The following MGAT4C variants were observed in gnomAD, a reference collection of about 807,000 sequenced individuals.
MGAT4C encodes the protein MGAT4 family member C, also known as alpha-1,3-mannosyl-glycoprotein 4-beta-N-acetylglucosaminyltransferase C.
A neutral mutation model predicts 40.1 loss-of-function variants in MGAT4C; 19 were observed. That is an observed-to-expected ratio of 0.47 (90% CI 0.33 to 0.70). The LOEUF (loss-of-function observed/expected upper bound fraction) is 0.70. Ranked by LOEUF, MGAT4C falls within the 30% of genes least tolerant of loss-of-function variation. The pLI, the probability that MGAT4C is intolerant of heterozygous loss-of-function variation, is 0.02. For synonymous variants in MGAT4C, 181 were observed against 187.1 expected, an observed-to-expected ratio of 0.97 and a Z score of 0.27; for missense variants, 491 against 563.2, an observed-to-expected ratio of 0.87 and a Z score of 1.30.
chr12:86,331,566 T>A lies in MGAT4C; in HGVS notation c.-57+2499A>T, dbSNP rs141696289. Among the ~76,000 whole-genome samples, 893 of 152,216 alleles carry A rather than the reference T, an allele frequency of 5.9e-3. 5 individuals are homozygous for A. Among genetic ancestry groups the A allele is most frequent in the Middle Eastern group, 0.01 (3 of 294 alleles). Reference sequence around the variant, plus strand: ...ATTAGGAAACTGCTGATCACCAGTTTCTGGTGTTTCTATCTATTAGGAGAC... The same window carrying A: ...ATTAGGAAACTGCTGATCACCAGTTACTGGTGTTTCTATCTATTAGGAGAC... On this transcript the variant is annotated intron_variant, in intron 4 of 7. Coordinates refer to the MGAT4C transcript ENST00000548651.
Position 86,521,246 on chromosome 12 carries a change from A to T in MGAT4C, c.-228-85981T>A, listed in dbSNP as rs1958790101. On this transcript the variant is annotated intron_variant, in intron 2 of 7. Coordinates refer to the MGAT4C transcript ENST00000548651. ...TAATCCATCCTGAGTTGAGTTTTGTATATGGTGTAAGAAAGGGGCCGACTT... is the reference window on the plus strand; with the variant it reads ...TAATCCATCCTGAGTTGAGTTTTGTTTATGGTGTAAGAAAGGGGCCGACTT... Among the ~76,000 whole-genome samples the T allele has an allele frequency of 2.0e-5, 3 of 152,106 alleles. No homozygotes were observed. In the South Asian group the frequency reaches 6.2e-4, roughly 31 times the overall value.
At position 86,554,202 on chromosome 12, in the gene MGAT4C, T is replaced by C. The variant is rs796753143; in HGVS notation, c.-228-118937A>G. Among the ~76,000 whole-genome samples the C allele has an allele frequency of 7.2e-5, 11 of 152,116 alleles. 1 individual carries two copies. Among genetic ancestry groups the C allele is most frequent in the African/African-American group, 2.4e-4 (10 of 41,512 alleles). On this transcript the variant is annotated intron_variant, in intron 2 of 7. Transcript: ENST00000548651. ...TGTCCCTTTCTGTTAAGTATTTACA[T>C]TTCTCATATTTCTTAAAAGTCAAAA...
chr12:86,091,309 C>G (rs1266562578), intron 1 of MGAT4C, among the ~76,000 whole-genome samples: 1 of 152,006 alleles, frequency 6.6e-6, no homozygotes, highest in East Asian at 1.9e-4. Flanking sequence ...GTCAACATTT[C>G]ATAACATGAA....
At chr12:86,237,050 T>G (rs1301767161) in intron 1 of MGAT4C, among the ~76,000 whole-genome samples, 1 of 151,072 alleles carries the variant, frequency 6.6e-6, no homozygotes, top group African/African-American at 2.4e-5. Flanking sequence ...ATTACATATA[T>G]TTAGTGAGGA....
At chr12:86,484,809 G>A (rs1192002620) in intron 2 of MGAT4C, among the ~76,000 whole-genome samples, 1 of 152,162 alleles carries the variant, frequency 6.6e-6, no homozygotes. Context: ...AGTGATCAGA[G>A]GAGGCTCCCC....
intron 1 of MGAT4C, among the ~76,000 whole-genome samples, chr12:86,095,098 C>G (rs1386880510): frequency 6.6e-6 from 1 of 152,106 alleles, no homozygotes; most frequent in East Asian, 1.9e-4. Flanking sequence ...TCTAGATTTA[C>G]ATACTGATAT....
chr12:86,631,163 A>G (rs1011972898), intron 2 of MGAT4C, among the ~76,000 whole-genome samples: 7 of 152,206 alleles, frequency 4.6e-5, no homozygotes, highest in African/African-American at 1.7e-4. Flanking sequence ...AATTGCTACA[A>G]AGAGAATAAA....
At chr12:86,443,462 C>A (rs2136280552) in intron 2 of MGAT4C, among the ~76,000 whole-genome samples, 1 of 152,284 alleles carries the variant, frequency 6.6e-6, no homozygotes, top group South Asian at 2.1e-4. Flanking sequence ...TGAACACTCA[C>A]TACTGCAAAA....
chr12:86,476,652 C>T (rs558204760), intron 2 of MGAT4C, among the ~76,000 whole-genome samples: 1 of 151,472 alleles, frequency 6.6e-6, no homozygotes, highest in Admixed American at 6.6e-5. Context: ...GAGCTATTCA[C>T]AATAATAAAG....
chr12:86,704,188 C>A (rs1950414542), intron 2 of MGAT4C, among the ~76,000 whole-genome samples: 1 of 152,042 alleles, frequency 6.6e-6, no homozygotes, highest in Admixed American at 6.6e-5. Context: ...AGGTTATTAT[C>A]CCATGAATAA....
chr12:86,712,394 T>C (rs1950572738), intron 2 of MGAT4C, among the ~76,000 whole-genome samples: 1 of 151,868 alleles, frequency 6.6e-6, no homozygotes, highest in Admixed American at 6.6e-5. Context: ...TGACTAACCA[T>C]AAAAAATAAG....
chr12:86,784,791 C>G (rs1273094350), intron 1 of MGAT4C, among the ~76,000 whole-genome samples: 1 of 151,890 alleles, frequency 6.6e-6, no homozygotes, highest in Admixed American at 6.6e-5. Context: ...CATTGAAGGT[C>G]AATGTCTTTG....
chr12:85,974,091 T>C lies in MGAT4C; in HGVS notation c.*5198A>G, dbSNP rs920319886. On this transcript the variant is annotated 3_prime_UTR_variant, in exon 5 of 5. Coordinates refer to ENST00000611864, the MANE Select transcript of MGAT4C (RefSeq NM_001351288.2). ...CTATGCAACTCATATTTTGATCTTT[T>C]AATGTTAAAGAATTCAAATAAAAAC... 6.6e-6 allele frequency: 1 copy of C among 150,946 alleles called. No homozygotes were observed. Among genetic ancestry groups the C allele is most frequent in the East Asian group, 1.9e-4 (1 of 5,190 alleles). The allele number at this position is 150,946 out of a possible 1,614,324, so 9.4% of individuals were successfully genotyped here. A position where few individuals can be genotyped will look rare whatever the true frequency, so the allele number is the denominator to read the frequency against.
chr12:86,809,726 GT>G (rs1952434736), intron 1 of MGAT4C, among the ~76,000 whole-genome samples: 1 of 151,864 alleles, frequency 6.6e-6, no homozygotes, highest in African/African-American at 2.4e-5. Flanking sequence ...TTGTTTGGCT[GT>G]TGAATTTTGA....
chr12:86,023,925 A>G (rs1396201560), intron 2 of MGAT4C, among the ~76,000 whole-genome samples: 1 of 151,812 alleles, frequency 6.6e-6, no homozygotes, highest in African/African-American at 2.4e-5. Flanking sequence ...TTCCTGAACA[A>G]GCATAATATG....
chr12:86,093,682 C>T (rs1420268142), intron 1 of MGAT4C, among the ~76,000 whole-genome samples: 2 of 151,998 alleles, frequency 1.3e-5, no homozygotes, highest in East Asian at 3.9e-4. Context: ...GAGCTATGAT[C>T]GCACCACTGC....
intron 1 of MGAT4C, among the ~76,000 whole-genome samples, chr12:86,183,407 C>G (rs1028565430): frequency 1.1e-4 from 16 of 151,782 alleles, no homozygotes; most frequent in Admixed American, 9.2e-4. Context: ...TTTCTTAATC[C>G]GAGAAAAGGA....
chr12:86,556,969 G>A (rs1248114335), intron 2 of MGAT4C, among the ~76,000 whole-genome samples: 1 of 151,922 alleles, frequency 6.6e-6, no homozygotes, highest in Non-Finnish European at 1.5e-5. Context: ...GATAGATAAA[G>A]AGAAAACTGA....
chr12:86,596,166 T>C (rs1961529847), intron 2 of MGAT4C, among the ~76,000 whole-genome samples: 1 of 151,544 alleles, frequency 6.6e-6, no homozygotes, highest in African/African-American at 2.4e-5. Context: ...CTTTTTTATG[T>C]TTTATAATTA....
Sources: allele counts gnomAD v4.1 joint callset (sites outside exome capture counted in the v4.1 genomes callset), GRCh38; gene constraint gnomAD v4.1.1; transcripts MANE v1.5; gene names NCBI Gene and HGNC (gene_info 2026-07-23, HGNC 2026-07-21).